Variants in FAM178B observed in about 807,000 individuals in gnomAD.
FAM178B encodes family with sequence similarity 178 member B, also known as protein FAM178B.
A neutral mutation model predicts 91.7 loss-of-function variants in FAM178B; 82 were observed. The ratio of observed to expected loss-of-function variants is 0.89; its 90% CI spans 0.75 to 1.07. The LOEUF is 1.07. Ranked by LOEUF, FAM178B falls within the 50% of genes least tolerant of loss-of-function variation. FAM178B has a pLI of 0.00. For synonymous variants in FAM178B, 368 were observed against 359.4 expected, an observed-to-expected ratio of 1.02 and a Z score of -0.27; for missense variants, 769 against 846.7, an observed-to-expected ratio of 0.91 and a Z score of 1.14.
chr2:96,943,953 T>C (rs1384588258), intron 8 of FAM178B, among the ~76,000 whole-genome samples: 1 of 152,094 alleles, frequency 6.6e-6, no homozygotes, highest in East Asian at 1.9e-4. Flanking sequence ...CATAAACATC[T>C]ATATCCCAGC....
chr2:96,968,879 T>G (rs2082180687), intron 4 of FAM178B, among the ~76,000 whole-genome samples: 2 of 152,234 alleles, frequency 1.3e-5, no homozygotes, highest in African/African-American at 4.8e-5. Context: ...CATCTCATCT[T>G]GGCTGCATCT....
rs60965536 is a variant in FAM178B, at chr2:96,967,911, C to CTTTTT, written c.627-289_627-285dup. Among the ~76,000 whole-genome samples the CTTTTT allele has an allele frequency of 1.8e-4, 11 of 62,440 alleles. No individual in the cohort carries two copies. The South Asian group carries it at 2.6e-3, about 15-fold the overall frequency. 41.0% of individuals were successfully genotyped at this position (62,440 alleles called of 152,430 possible). A position where few individuals can be genotyped will look rare whatever the true frequency, so the allele number is the denominator to read the frequency against. ...TCTTTACTTGTGTACCCTGTTTGGT[C>CTTTTT]TTTTTTTTTTTTTTTTTTTTTTTTT... On this transcript the variant is annotated intron_variant, in intron 4 of 16. Transcript: ENST00000490605.
At chr2:96,953,211 T>C (rs1275024292) in intron 6 of FAM178B, among the ~76,000 whole-genome samples, 1 of 152,166 alleles carries the variant, frequency 6.6e-6, no homozygotes, top group Non-Finnish European at 1.5e-5. Flanking sequence ...CTCCATTCTA[T>C]CCACGTGCCC....
At chr2:96,977,766 C>T in intron 1 of FAM178B, 1 of 450,822 alleles carries the variant, frequency 2.2e-6, no homozygotes, top group African/African-American at 2.0e-5. Context: ...CAAGTGCTTT[C>T]TGTGTCATCC....
At chr2:96,883,018 G>A (rs957043594) in intron 14 of FAM178B, among the ~76,000 whole-genome samples, 3 of 152,238 alleles carry the variant, frequency 2.0e-5, no homozygotes, top group Non-Finnish European at 4.4e-5. Flanking sequence ...CCCAGAGTCT[G>A]GTGGGCTGGC....
In FAM178B at chr2:96,905,818, GTATATATATATA is replaced by G. The variant is rs1226987241; in HGVS notation, c.1563-3123_1563-3112del. On this transcript the variant is annotated intron_variant, in intron 12 of 16. Coordinates refer to ENST00000490605, the MANE Select transcript of FAM178B (RefSeq NM_001122646.3). ...TACACAAAAATATACATATATGTGT[GTATATATATATA>G]TATATATATATATATATATATATAT... Among the ~76,000 whole-genome samples, 130 of 34,158 alleles carry G rather than the reference GTATATATATATA, an allele frequency of 3.8e-3. 2 individuals are homozygous for G. The highest frequency in any genetic ancestry group is 7.4e-3 in the African/African-American group (75 of 10,168). The allele number at this position is 34,158 out of a possible 152,430, so 22.4% of individuals were successfully genotyped here. A position where few individuals can be genotyped will look rare whatever the true frequency, so the allele number is the denominator to read the frequency against.
At position 96,960,270 on chromosome 2, in the gene FAM178B, C is replaced by A; in HGVS notation, c.887+18G>T. On this transcript the variant is annotated intron_variant, in intron 6 of 16. Transcript: ENST00000490605. ...GGACAGGCTGCGCCACCCCCTCACC[C>A]CTCCTCCCCACACTTACCTGAGGAA... 6.4e-7 allele frequency: 1 copy of A among 1,551,332 alleles called. No homozygotes were observed.
intron 12 of FAM178B, among the ~76,000 whole-genome samples, chr2:96,906,766 G>C (rs6746020): frequency 0.078 from 11,859 of 152,324 alleles, 500 homozygotes; most frequent in Middle Eastern, 0.13. Context: ...CTGTCAGACA[G>C]GGCCAGCTTT....
chr2:96,921,410 C>A, intron 11 of FAM178B, 68 bp downstream of exon 11: 1 of 1,533,762 alleles, frequency 6.5e-7, no homozygotes, highest in Non-Finnish European at 8.8e-7. Context: ...CCACCCAGGG[C>A]ACTCTAGGGG....
chr2:96,947,469 C>T (rs750280776), intron 8 of FAM178B, among the ~76,000 whole-genome samples: 3 of 152,138 alleles, frequency 2.0e-5, no homozygotes, highest in African/African-American at 2.4e-5. Context: ...TCAAGCTAAC[C>T]GGCGCTTTCA....
intron 8 of FAM178B, among the ~76,000 whole-genome samples, chr2:96,937,841 C>T (rs1293712626): frequency 6.6e-6 from 1 of 152,122 alleles, no homozygotes; most frequent in African/African-American, 2.4e-5. Flanking sequence ...GCCTGGGTAA[C>T]ACAGTGAGAC....
intron 1 of FAM178B, among the ~76,000 whole-genome samples, chr2:96,974,121 G>A (rs1181492455): frequency 5.3e-5 from 8 of 151,396 alleles, no homozygotes; most frequent in Non-Finnish European, 1.0e-4. Context: ...AGTGGCTCAC[G>A]CCTGTAATCC....
intron 9 of FAM178B, among the ~76,000 whole-genome samples, chr2:96,926,950 T>C (rs2081450335): frequency 6.6e-6 from 1 of 152,176 alleles, no homozygotes; most frequent in Admixed American, 6.5e-5. Context: ...TCCGTTCCCC[T>C]GGATGGAGGC....
chr2:96,919,038 C>T (rs1256388061), intron 12 of FAM178B, among the ~76,000 whole-genome samples: 2 of 152,158 alleles, frequency 1.3e-5, no homozygotes, highest in African/African-American at 2.4e-5. Context: ...TCAAGCAGCT[C>T]GGTTTTTGGA....
In FAM178B at chr2:96,875,933, A is replaced by G. The variant is rs2080230723; in HGVS notation, c.*343T>C. The G allele has an allele frequency of 1.4e-5, 5 of 360,264 alleles. No homozygotes were observed. The South Asian group carries it at 2.1e-4, about 15-fold the overall frequency. 22.3% of individuals were successfully genotyped at this position (360,264 alleles called of 1,614,324 possible). ...CACAAAGAAACCTCACATTAGTGAC[A>G]GGGAGACAGAGGAAGGAGGGTGGGG... is the stretch of plus-strand genomic sequence containing the variant. On this transcript the variant is annotated 3_prime_UTR_variant, in exon 17 of 17. Transcript: ENST00000490605.
intron 13 of FAM178B, among the ~76,000 whole-genome samples, chr2:96,900,554 T>C (rs1006606698): frequency 6.6e-6 from 1 of 151,416 alleles, no homozygotes; most frequent in African/African-American, 2.4e-5. Context: ...AGCAAACAAA[T>C]AGGAAAAGAT....
rs1402050641 is a variant in FAM178B, at chr2:96,905,870, T to A, written c.1563-3163A>T. ...TATATATATATATATATTTTTTTTT[T>A]TTTTTTTTTTTTTTTTTTGAGATGG... On this transcript the variant is annotated intron_variant, in intron 12 of 16. Transcript: ENST00000490605. Among the ~76,000 whole-genome samples, 196 of 54,666 alleles carry A rather than the reference T, an allele frequency of 3.6e-3. 4 individuals are homozygous for A. Among genetic ancestry groups the A allele is most frequent in the African/African-American group, 0.011 (119 of 11,324 alleles). 35.9% of individuals were successfully genotyped at this position (54,666 alleles called of 152,430 possible).
At chr2:96,896,532 G>A (rs2080827530) in intron 13 of FAM178B, among the ~76,000 whole-genome samples, 1 of 152,134 alleles carries the variant, frequency 6.6e-6, no homozygotes, top group African/African-American at 2.4e-5. Context: ...GCCGCTTAGG[G>A]CAGACACCTA....
At chr2:96,876,333 G>A (rs1478984628) in intron 16 of FAM178B, 25 bp from the exon 17 acceptor site, 1 of 1,587,700 alleles carries the variant, frequency 6.3e-7, no homozygotes, top group Admixed American at 1.8e-5. Flanking sequence ...AAAGCAGGCT[G>A]TGAGGGCCTG....
Sources: gnomAD v4.1 joint callset for allele counts (sites outside exome capture counted in the v4.1 genomes callset) on GRCh38, gnomAD v4.1.1 for gene constraint, MANE v1.5 for transcripts, NCBI Gene and HGNC (gene_info 2026-07-23, HGNC 2026-07-21) for gene names.